The following CAPRIN1 variants were observed in gnomAD, a reference collection of about 807,000 sequenced individuals.
CAPRIN1 encodes cell cycle associated protein 1.
A neutral mutation model predicts 100.9 loss-of-function variants in CAPRIN1; 29 were observed. The ratio of observed to expected loss-of-function variants is 0.29; its 90% CI spans 0.21 to 0.39. CAPRIN1 has a LOEUF of 0.39. CAPRIN1 is among the 10% of genes least tolerant of loss of function. The probability of loss-of-function intolerance (pLI) is 1.00; values close to 1 mark genes in which losing one functional copy is unlikely to be tolerated. For missense variants in CAPRIN1, 795 were observed against 876.7 expected (o/e 0.91, Z 1.18); for synonymous variants, 338 against 307.5 (o/e 1.10, Z -1.04).
At chr11:34,059,024 A>G (rs1044305864) in intron 2 of CAPRIN1, among the ~76,000 whole-genome samples, 2 of 152,154 alleles carry the variant, frequency 1.3e-5, no homozygotes, top group African/African-American at 4.8e-5. Flanking sequence ...AATTCATCCA[A>G]AGTTGGAACT....
rs1851281915 is a variant in CAPRIN1, at chr11:34,092,437, A to G, written c.1705+381A>G. On this transcript the variant is annotated intron_variant, in intron 15 of 18. Coordinates refer to ENST00000341394, the MANE Select transcript of CAPRIN1 (RefSeq NM_005898.5). ...AGTGCCGTGATCTCGGCTTACTGCAACCTCTGCCTCCTGGACACAAGCAAT... is the reference window on the plus strand; with the variant it reads ...AGTGCCGTGATCTCGGCTTACTGCAGCCTCTGCCTCCTGGACACAAGCAAT... Among the ~76,000 whole-genome samples the G allele has an allele frequency of 2.6e-5, 4 of 151,612 alleles. No individual in the cohort carries two copies. The South Asian group carries it at 8.4e-4, about 32-fold the overall frequency.
intron 4 of CAPRIN1, 133 bp downstream of exon 4, chr11:34,072,120 ATTC>A (rs1850814125): frequency 1.7e-6 from 1 of 605,686 alleles, no homozygotes; most frequent in East Asian, 2.8e-5. Flanking sequence ...ATGCCTTCAC[ATTC>A]TGTAAAGTAA....
intron 7 of CAPRIN1, 31 bp from the exon 8 acceptor site, chr11:34,082,793 CT>C: frequency 6.3e-7 from 1 of 1,591,074 alleles, no homozygotes; most frequent in Non-Finnish European, 8.6e-7. Flanking sequence ...CCTAAAAATC[CT>C]TTTGTTTTGC....
chr11:34,099,075 T>C, intron 18 of CAPRIN1: 1 of 1,408,824 alleles, frequency 7.1e-7, no homozygotes, highest in Non-Finnish European at 9.2e-7. Context: ...TGAGTACTGG[T>C]GGAATACTCC....
chr11:34,061,827 C>T (rs1335512883), intron 2 of CAPRIN1, among the ~76,000 whole-genome samples: 11 of 151,872 alleles, frequency 7.2e-5, no homozygotes, highest in Admixed American at 4.6e-4. Context: ...AAAAATTAGC[C>T]GTGCGTAGTG....
At chr11:34,089,776 C>T (rs563636416) in intron 12 of CAPRIN1, among the ~76,000 whole-genome samples, 2 of 151,970 alleles carry the variant, frequency 1.3e-5, no homozygotes, top group Middle Eastern at 3.2e-3. Context: ...TGTTTAGGTT[C>T]ATTTTTCCTC....
intron 18 of CAPRIN1, 34 bp downstream of exon 18, chr11:34,097,795 G>C: frequency 1.9e-6 from 3 of 1,613,740 alleles, no homozygotes; most frequent in Middle Eastern, 3.3e-4. Flanking sequence ...TAGCTCCTAA[G>C]TGGAGCTTCT....
At chr11:34,052,794 C>T (rs529457360) in intron 2 of CAPRIN1, 158 bp downstream of exon 2, 12 of 1,438,848 alleles carry the variant, frequency 8.3e-6, no homozygotes, top group African/African-American at 1.4e-5. Context: ...CCACGTTCAG[C>T]GGGAGCTTCG....
chr11:34,079,546 ATATTT>A (rs1850969710), intron 6 of CAPRIN1, 77 bp from the exon 7 acceptor site: 1 of 1,147,576 alleles, frequency 8.7e-7, no homozygotes. Flanking sequence ...TTTAATCACA[ATATTT>A]TATAGAATGT....
At chr11:34,058,025 GT>G (rs976447213) in intron 2 of CAPRIN1, among the ~76,000 whole-genome samples, 2 of 151,192 alleles carry the variant, frequency 1.3e-5, no homozygotes, top group South Asian at 2.1e-4. Flanking sequence ...CGGCCTAAGA[GT>G]TTTTTTTTAG....
rs192685304 is a variant in CAPRIN1, at chr11:34,068,979, A to G, written c.217-2747A>G. 4.3e-3 allele frequency among the ~76,000 whole-genome samples: 654 copies of G among 152,278 alleles called. 6 individuals are homozygous for G. Among genetic ancestry groups the G allele is most frequent in the African/African-American group, 0.015 (615 of 41,554 alleles). ...AAAATGAAGATAGTAAATACCAGGT[A>G]TAAGTTAATAACAGTGTTTCTTTTG... On this transcript the variant is annotated intron_variant, in intron 2 of 18. Transcript: ENST00000341394.
chr11:34,087,064 T>C (rs1281314543), intron 11 of CAPRIN1, among the ~76,000 whole-genome samples: 1 of 152,208 alleles, frequency 6.6e-6, no homozygotes, highest in Non-Finnish European at 1.5e-5. Flanking sequence ...TTTGAAGTAG[T>C]AGCACTAAAT....
At chr11:34,094,751 T>G (rs1021299585) in intron 15 of CAPRIN1, among the ~76,000 whole-genome samples, 1 of 152,208 alleles carries the variant, frequency 6.6e-6, no homozygotes, top group Admixed American at 6.5e-5. Context: ...GAGCCAAGAT[T>G]ATTTGACTGA....
intron 15 of CAPRIN1, among the ~76,000 whole-genome samples, chr11:34,093,774 C>T (rs1851308923): frequency 7.3e-6 from 1 of 137,244 alleles, no homozygotes; most frequent in Admixed American, 8.0e-5. Context: ...GTAGCACAGG[C>T]CACCATGCCT....
Position 34,090,586 on chromosome 11 carries a change from T to C in CAPRIN1, c.1462T>C (p.Ser488Pro), listed in dbSNP as rs753112265. 9 of 1,614,028 alleles carry C rather than the reference T, an allele frequency of 5.6e-6. No homozygotes were observed. Among genetic ancestry groups the C allele is most frequent in the Admixed American group, 1.7e-5 (1 of 59,982 alleles). The change falls in exon 14 of 19, where the codon TCT becomes CCT. Residue 488 changes from serine to proline, a missense_variant. This residue lies in a region of CAPRIN1 where 648 missense variants were observed against 697.9 expected (regional missense o/e 0.93). Transcript: ENST00000341394. ...AGCATCATCATCCCTTCCTGCTGCG[T>C]CTCAGCCTCAAGTATTTCAGGCTGG... Reference protein sequence around the residue: ...TTASSSLPAASQPQVFQAGTS... With the variant: ...TTASSSLPAAPQPQVFQAGTS...
At chr11:34,060,917 A>G (rs1359783011) in intron 2 of CAPRIN1, among the ~76,000 whole-genome samples, 2 of 152,338 alleles carry the variant, frequency 1.3e-5, no homozygotes, top group Admixed American at 6.5e-5. Context: ...AAGATTATTT[A>G]TGGTAATTTG....
chr11:34,073,136 A>G (rs1018193924), intron 4 of CAPRIN1, among the ~76,000 whole-genome samples: 5 of 152,226 alleles, frequency 3.3e-5, no homozygotes, highest in Non-Finnish European at 7.3e-5. Flanking sequence ...TTGCTGAAAC[A>G]AAAAAGTTTA....
At chr11:34,089,486 G>T in intron 12 of CAPRIN1, 30 bp downstream of exon 12, 1 of 1,381,134 alleles carries the variant, frequency 7.2e-7, no homozygotes, top group Non-Finnish European at 1.0e-6. Context: ...TTTCTTCAGG[G>T]CCAGGTTAGG....
At chr11:34,091,737 C>G (rs576918892) in intron 14 of CAPRIN1, 169 bp from the exon 15 acceptor site, 2 of 602,516 alleles carry the variant, frequency 3.3e-6, no homozygotes, top group Non-Finnish European at 5.8e-6. Context: ...ATGTCTTTTT[C>G]CACATTGAAT....
Sources: gnomAD v4.1 joint callset for allele counts (sites outside exome capture counted in the v4.1 genomes callset) on GRCh38, gnomAD v4.1.1 for gene constraint, gnomAD v4.1.1 regional missense constraint, MANE v1.5 for transcripts, NCBI Gene and HGNC (gene_info 2026-07-23, HGNC 2026-07-21) for gene names.